DYRK4: variants seen among roughly 807,000 people sequenced by gnomAD.
DYRK4 encodes dual specificity tyrosine phosphorylation regulated kinase 4, also known as dual specificity tyrosine-phosphorylation-regulated kinase 4.
DYRK4 carries 64 observed loss-of-function variants against 68.3 expected under a neutral mutation model. The ratio of observed to expected loss-of-function variants is 0.94; its 90% CI spans 0.77 to 1.15. The LOEUF is 1.15. Ranked by LOEUF, DYRK4 falls within the 50% of genes most tolerant of loss-of-function variation. The pLI is 0.00. For missense variants in DYRK4, 740 were observed against 764.7 expected (o/e 0.97, Z 0.38); for synonymous variants, 274 against 289.9 (o/e 0.95, Z 0.56).
intron 7 of DYRK4, 113 bp from the exon 8 acceptor site, chr12:4,596,476 C>A: frequency 2.0e-6 from 3 of 1,505,380 alleles, no homozygotes; most frequent in Non-Finnish European, 2.6e-6. Context: ...GTGCTTCCTG[C>A]CACTAGACAG....
At chr12:4,569,059 A>G (rs1488485513) in intron 2 of DYRK4, among the ~76,000 whole-genome samples, 2 of 152,166 alleles carry the variant, frequency 1.3e-5, no homozygotes, top group African/African-American at 4.8e-5. Flanking sequence ...TTTACTTAAA[A>G]TTATGACTTT....
Position 4,562,275 on chromosome 12 carries a change from C to G in DYRK4, c.30C>G (p.Thr10=), listed in dbSNP as rs1198401787. The G allele has an allele frequency of 2.0e-6, 3 of 1,532,266 alleles. No individual in the cohort carries two copies. The highest frequency in any genetic ancestry group is 2.5e-5 in the East Asian group (1 of 40,436). The allele number at this position is 1,532,266 out of a possible 1,614,324, so 94.9% of individuals were successfully genotyped here. A position where few individuals can be genotyped will look rare whatever the true frequency, so the allele number is the denominator to read the frequency against. The change falls in exon 1 of 15, where the codon ACC becomes ACG. Residue 10 remains threonine (T), a synonymous_variant. Coordinates refer to ENST00000543431, the MANE Select transcript of DYRK4 (RefSeq NM_001394779.1). MQLLPPPIR[T]GTKTQMDAKK... ...AGCTCCTCCCGCCGCCTATCCGCAC[C>G]GGAACAAAGTAAGGGCCGCGGAGGC...
chr12:4,589,781 G>A (rs1363641185), intron 3 of DYRK4, among the ~76,000 whole-genome samples: 1 of 152,156 alleles, frequency 6.6e-6, no homozygotes, highest in African/African-American at 2.4e-5. Flanking sequence ...CCTCTCTCCT[G>A]ATTAATCAGT....
intron 13 of DYRK4, among the ~76,000 whole-genome samples, chr12:4,611,703 G>A (rs996708757): frequency 6.6e-6 from 1 of 152,196 alleles, no homozygotes; most frequent in African/African-American, 2.4e-5. Context: ...TCTCCCTGCA[G>A]TTATAGAAGC....
At chr12:4,606,666 CAA>C (rs936274605) in intron 11 of DYRK4, among the ~76,000 whole-genome samples, 14 of 152,118 alleles carry the variant, frequency 9.2e-5, no homozygotes, top group African/African-American at 3.1e-4. Context: ...CTTCCAATAC[CAA>C]AGAGAACGGG....
chr12:4,569,697 G>T (rs536527720), intron 2 of DYRK4, among the ~76,000 whole-genome samples: 16 of 152,100 alleles, frequency 1.1e-4, no homozygotes, highest in African/African-American at 3.4e-4. Flanking sequence ...CTGGGCTCCA[G>T]CAATCCTCCC....
intron 8 of DYRK4, chr12:4,596,960 G>A (rs1267361249): frequency 2.9e-6 from 4 of 1,384,866 alleles, no homozygotes; most frequent in African/African-American, 1.5e-5. Flanking sequence ...CCCTGGTGCT[G>A]GGTACTGAGC....
intron 9 of DYRK4, chr12:4,599,504 A>C (rs1343463236): frequency 1.7e-6 from 1 of 578,070 alleles, no homozygotes; most frequent in Non-Finnish European, 3.1e-6. Flanking sequence ...AGCAGTGACT[A>C]TGAGGTCTGA....
At chr12:4,572,997 G>C (rs1046525615) in intron 2 of DYRK4, 2 of 278,126 alleles carry the variant, frequency 7.2e-6, no homozygotes, top group Non-Finnish European at 1.4e-5. Context: ...CGACCATTTG[G>C]TGTTGGGCAA....
In DYRK4 at chr12:4,562,219, C is replaced by A; in HGVS notation, c.-27C>A. 1 of 1,523,374 alleles carries A rather than the reference C, an allele frequency of 6.6e-7. No individual in the cohort carries two copies. The highest frequency in any genetic ancestry group is 2.5e-5 in the East Asian group (1 of 39,962). The allele number at this position is 1,523,374 out of a possible 1,614,324, so 94.4% of individuals were successfully genotyped here. A position where few individuals can be genotyped will look rare whatever the true frequency, so the allele number is the denominator to read the frequency against. Reference sequence around the variant, plus strand: ...TCTGCCGGGCTCTCACAGCCTCCCGCAGCGGCGGGCGGTCAGCGCCGGCCT... The same window carrying A: ...TCTGCCGGGCTCTCACAGCCTCCCGAAGCGGCGGGCGGTCAGCGCCGGCCT... On this transcript the variant is annotated 5_prime_UTR_variant, in exon 1 of 15. Coordinates refer to ENST00000543431, the MANE Select transcript of DYRK4 (RefSeq NM_001394779.1).
intron 3 of DYRK4, among the ~76,000 whole-genome samples, chr12:4,589,921 T>A (rs1374484652): frequency 6.6e-6 from 1 of 152,136 alleles, no homozygotes; most frequent in Non-Finnish European, 1.5e-5. Context: ...CTTCCCTGCG[T>A]TAGGGTGGTA....
intron 2 of DYRK4, among the ~76,000 whole-genome samples, chr12:4,580,204 A>G (rs555743785): frequency 1.3e-5 from 2 of 152,304 alleles, no homozygotes; most frequent in East Asian, 3.9e-4. Flanking sequence ...TTCCTCAAGG[A>G]TGGCAGGGCC....
At position 4,596,133 on chromosome 12, in the gene DYRK4, G is replaced by T. The variant is rs368175377; in HGVS notation, c.628-16G>T. 18 of 1,613,128 alleles carry T rather than the reference G, an allele frequency of 1.1e-5. No homozygotes were observed. Among genetic ancestry groups the T allele is most frequent in the Non-Finnish European group, 1.5e-5 (18 of 1,179,402 alleles). On this transcript the variant is annotated splice_polypyrimidine_tract_variant and intron_variant, in intron 6 of 14. Transcript: ENST00000543431. ...GCCCATGGCTTTGCTCTTCACCTCC[G>T]GCCTGGCTTCCACAGGTCCTGCATG... is the stretch of plus-strand genomic sequence containing the variant.
At chr12:4,575,419 C>T (rs186314607) in intron 2 of DYRK4, among the ~76,000 whole-genome samples, 1 of 152,124 alleles carries the variant, frequency 6.6e-6, no homozygotes, top group East Asian at 1.9e-4. Flanking sequence ...AGCAATTTTC[C>T]TGCCTCAGCC....
chr12:4,568,254 G>A (rs1046992427), intron 2 of DYRK4, among the ~76,000 whole-genome samples: 2 of 152,224 alleles, frequency 1.3e-5, no homozygotes, highest in African/African-American at 2.4e-5. Context: ...AATCTAACAG[G>A]TAAGCTGTAT....
Position 4,604,829 on chromosome 12 carries a change from T to TCTAA in DYRK4, c.1127-82_1127-79dup, listed in dbSNP as rs1467804602. 3.5e-6 allele frequency: 5 copies of TCTAA among 1,442,208 alleles called. No individual in the cohort carries two copies. In the East Asian group the frequency reaches 7.8e-5, roughly 22 times the overall value. The allele number at this position is 1,442,208 out of a possible 1,614,324, so 89.3% of individuals were successfully genotyped here. ...CCTTTCACTGCCAGCGGGGGCGCAG[T>TCTAA]CTAACTGAGAAGTTGTCCTGGGGGA... On this transcript the variant is annotated intron_variant, in intron 10 of 14. Transcript: ENST00000543431.
chr12:4,602,617 T>C (rs2137390321), intron 10 of DYRK4: 2 of 1,347,496 alleles, frequency 1.5e-6, no homozygotes, highest in Non-Finnish European at 2.1e-6. Context: ...ATCTTCTTTC[T>C]TGATGCCACT....
chr12:4,610,416 A>G, intron 13 of DYRK4, 132 bp downstream of exon 13: 1 of 941,356 alleles, frequency 1.1e-6, no homozygotes, highest in Non-Finnish European at 1.5e-6. Flanking sequence ...ATAGAGCTTT[A>G]AAGTCTACAA....
At chr12:4,596,805 A>G (rs1482781564) in intron 8 of DYRK4, 76 bp downstream of exon 8, 21 of 1,592,360 alleles carry the variant, frequency 1.3e-5, no homozygotes, top group Non-Finnish European at 1.8e-5. Context: ...TCAGAACACT[A>G]GATTTCTCTG....
Sources: allele counts gnomAD v4.1 joint callset (sites outside exome capture counted in the v4.1 genomes callset), GRCh38; gene constraint gnomAD v4.1.1; transcripts MANE v1.5; gene names NCBI Gene and HGNC (gene_info 2026-07-23, HGNC 2026-07-21).